The following SEL1L3 variants were observed in gnomAD, a reference collection of about 807,000 sequenced individuals.
The protein encoded by SEL1L3 is SEL1L family member 3, also known as protein sel-1 homolog 3.
SEL1L3 carries 76 observed loss-of-function variants against 142.8 expected under a neutral mutation model. The ratio of observed to expected loss-of-function variants is 0.53; its 90% CI spans 0.44 to 0.64. The LOEUF is 0.64. Ranked by LOEUF, SEL1L3 falls within the 30% of genes least tolerant of loss-of-function variation. The probability of loss-of-function intolerance (pLI) is 0.00; values close to 1 mark genes in which losing one functional copy is unlikely to be tolerated. For synonymous variants in SEL1L3, 504 were observed against 519.6 expected, an observed-to-expected ratio of 0.97 and a Z score of 0.41; for missense variants, 1,262 against 1,381.7, an observed-to-expected ratio of 0.91 and a Z score of 1.37.
downstream of SEL1L3, among the ~76,000 whole-genome samples, chr4:25,743,493 A>C (rs1717174703): frequency 6.6e-6 from 1 of 152,168 alleles, no homozygotes; most frequent in South Asian, 2.1e-4. Flanking sequence ...CATGTGCCCA[A>C]GGTGGTCAGG....
At chr4:25,756,174 C>G (rs1717944471) in intron 23 of SEL1L3, 1 of 985,288 alleles carries the variant, frequency 1.0e-6, no homozygotes, top group African/African-American at 1.7e-5. Context: ...ATGTCCAGTC[C>G]TAATCTACCC....
intron 19 of SEL1L3, among the ~76,000 whole-genome samples, chr4:25,766,421 C>T (rs1362975758): frequency 1.5e-5 from 2 of 135,242 alleles, no homozygotes; most frequent in Admixed American, 8.0e-5. Flanking sequence ...GCCTAGGCGA[C>T]ACAGCAAGAC....
intron 7 of SEL1L3, among the ~76,000 whole-genome samples, chr4:25,820,890 G>A (rs760978500): frequency 1.5e-4 from 23 of 152,100 alleles, no homozygotes; most frequent in Admixed American, 5.2e-4. Context: ...AAGTGAGCAC[G>A]TCCAGCTAAT....
At chr4:25,858,810 T>C (rs1043065878) in intron 1 of SEL1L3, among the ~76,000 whole-genome samples, 3 of 152,174 alleles carry the variant, frequency 2.0e-5, no homozygotes, top group Non-Finnish European at 2.9e-5. Context: ...GGTCTCGATC[T>C]CCTGACCTCG....
chr4:25,760,692 C>T (rs956496881), intron 20 of SEL1L3, among the ~76,000 whole-genome samples: 6 of 152,134 alleles, frequency 3.9e-5, no homozygotes, highest in Non-Finnish European at 7.3e-5. Flanking sequence ...TGCCTCTGAC[C>T]GCAATCTAAA....
At chr4:25,848,667 T>C (rs1161094876) in intron 1 of SEL1L3, among the ~76,000 whole-genome samples, 1 of 152,178 alleles carries the variant, frequency 6.6e-6, no homozygotes, top group Non-Finnish European at 1.5e-5. Flanking sequence ...CCACTGCATA[T>C]CCATTAGGGT....
rs1342642001 is a variant in SEL1L3 at position 25,804,538 on chromosome 4, T to C, written c.1776+3A>G. ...ATGTTAATGGAGCAATGAAATACTC[T>C]ACCTGCAGCTGATCCCGAGGAACAT... On this transcript the variant is annotated splice_donor_region_variant and intron_variant, in intron 10 of 23. Transcript: ENST00000399878. 1.3e-6 allele frequency: 2 copies of C among 1,599,606 alleles called. No individual in the cohort carries two copies. The highest frequency in any genetic ancestry group is 1.7e-6 in the Non-Finnish European group (2 of 1,169,662).
chr4:25,744,977 G>C (rs1446660053), downstream of SEL1L3, among the ~76,000 whole-genome samples: 1 of 152,178 alleles, frequency 6.6e-6, no homozygotes, highest in East Asian at 1.9e-4. Context: ...TTTGGTACTT[G>C]GTTATGGCAG....
the SEL1L3 span, among the ~76,000 whole-genome samples, chr4:25,729,206 C>T: frequency 1.5e-3 from 222 of 152,272 alleles, no homozygotes; most frequent in Non-Finnish European, 2.0e-3. Context: ...GATAAATGAC[C>T]ACCAACCATG....
At chr4:25,762,215 C>T (rs1718419086) in intron 20 of SEL1L3, among the ~76,000 whole-genome samples, 1 of 152,248 alleles carries the variant, frequency 6.6e-6, no homozygotes, top group South Asian at 2.1e-4. Context: ...TCCCAAAGAA[C>T]TGGGATTACA....
the SEL1L3 span, chr4:25,719,668 G>A: frequency 6.6e-6 from 1 of 152,140 alleles, no homozygotes. Context: ...TGGATAACCA[G>A]TTGATTCAGA....
intron 10 of SEL1L3, among the ~76,000 whole-genome samples, chr4:25,803,030 C>A (rs1181140690): frequency 3.3e-5 from 5 of 152,176 alleles, no homozygotes; most frequent in Non-Finnish European, 5.9e-5. Context: ...TATTGCAGCA[C>A]CTTTTTGGGC....
At chr4:25,843,168 C>T (rs1317331698) in intron 2 of SEL1L3, among the ~76,000 whole-genome samples, 4 of 151,730 alleles carry the variant, frequency 2.6e-5, no homozygotes, top group South Asian at 2.1e-4. Context: ...GGGACAGATT[C>T]CCACAGAGTA....
At chr4:25,825,513 C>T (rs966733689) in intron 6 of SEL1L3, among the ~76,000 whole-genome samples, 7 of 152,072 alleles carry the variant, frequency 4.6e-5, no homozygotes, top group Non-Finnish European at 8.8e-5. Flanking sequence ...GAATCACCGA[C>T]GTTGTGAAAC....
intron 17 of SEL1L3, among the ~76,000 whole-genome samples, chr4:25,775,218 G>A (rs1199086924): frequency 1.3e-5 from 2 of 152,172 alleles, no homozygotes; most frequent in East Asian, 3.8e-4. Flanking sequence ...TTTTGATTGT[G>A]CAAAGTGAGG....
chr4:25,831,606 AC>A (rs1227141846), intron 5 of SEL1L3, among the ~76,000 whole-genome samples: 1 of 150,648 alleles, frequency 6.6e-6, no homozygotes, highest in Admixed American at 6.6e-5. Flanking sequence ...GCTCACTGCA[AC>A]CTCCGCCTCC....
At chr4:25,859,186 A>C (rs867737993) in intron 1 of SEL1L3, among the ~76,000 whole-genome samples, 2 of 152,214 alleles carry the variant, frequency 1.3e-5, no homozygotes, top group African/African-American at 4.8e-5. Context: ...TTGGGCAGGG[A>C]AAGTTCTGCG....
chr4:25,827,680 G>A (rs1188084925), intron 6 of SEL1L3, among the ~76,000 whole-genome samples: 1 of 152,060 alleles, frequency 6.6e-6, no homozygotes. Context: ...CCCCAGCCCT[G>A]GATCATTCTG....
intron 3 of SEL1L3, among the ~76,000 whole-genome samples, chr4:25,834,442 T>G (rs890242947): frequency 6.6e-6 from 1 of 152,248 alleles, no homozygotes; most frequent in Non-Finnish European, 1.5e-5. Context: ...TTTACCCCAG[T>G]AACCAATTTA....
Sources: allele counts gnomAD v4.1 joint callset (sites outside exome capture counted in the v4.1 genomes callset), GRCh38; gene constraint gnomAD v4.1.1; transcripts MANE v1.5; gene names NCBI Gene and HGNC (gene_info 2026-07-23, HGNC 2026-07-21).